The following ZBTB16 variants were observed in gnomAD, a reference collection of about 807,000 sequenced individuals.
The protein encoded by ZBTB16 is zinc finger and BTB domain-containing protein 16.
ZBTB16 carries 8 observed loss-of-function variants against 56.8 expected under a neutral mutation model. The ratio of observed to expected loss-of-function variants is 0.14; its 90% CI spans 0.08 to 0.25. The LOEUF is 0.25. ZBTB16 is among the 10% of genes least tolerant of loss of function. The pLI is 1.00. For missense variants in ZBTB16, 625 were observed against 903.0 expected (o/e 0.69, Z 3.95); for synonymous variants, 363 against 368.5 (o/e 0.98, Z 0.17).
intron 6 of ZBTB16, among the ~76,000 whole-genome samples, chr11:114,249,186 G>T (rs1409583300): frequency 1.3e-5 from 2 of 152,038 alleles, no homozygotes; most frequent in Middle Eastern, 3.4e-3. Flanking sequence ...AGGCCGGGTG[G>T]GGGAGCTCAT....
At chr11:114,240,792 T>C (rs1018730147) in intron 4 of ZBTB16, among the ~76,000 whole-genome samples, 1 of 152,186 alleles carries the variant, frequency 6.6e-6, no homozygotes, top group African/African-American at 2.4e-5. Flanking sequence ...TGTGGGGTAC[T>C]TTGGGGATGA....
intron 4 of ZBTB16, among the ~76,000 whole-genome samples, chr11:114,216,542 T>C (rs759288086): frequency 2.6e-5 from 4 of 152,194 alleles, no homozygotes; most frequent in Non-Finnish European, 4.4e-5. Flanking sequence ...TGGGGGAATG[T>C]ACACCCAGCT....
At chr11:114,095,800 T>C (rs1317821815) in intron 2 of ZBTB16, among the ~76,000 whole-genome samples, 2 of 152,172 alleles carry the variant, frequency 1.3e-5, no homozygotes, top group Non-Finnish European at 2.9e-5. Context: ...GAAGTGCCCA[T>C]GGGAAGCAGA....
At chr11:114,187,506 C>T (rs1943390861) in intron 4 of ZBTB16, 1 of 218,930 alleles carries the variant, frequency 4.6e-6, no homozygotes, top group Non-Finnish European at 9.4e-6. Context: ...TGCATTTGAA[C>T]AATATTAACT....
intron 3 of ZBTB16, among the ~76,000 whole-genome samples, chr11:114,166,891 T>A (rs1411397894): frequency 6.6e-6 from 1 of 152,202 alleles, no homozygotes; most frequent in Non-Finnish European, 1.5e-5. Context: ...TTGGGTTGAC[T>A]TTGGAGGGGG....
chr11:114,081,584 C>T (rs187801745), intron 2 of ZBTB16, among the ~76,000 whole-genome samples: 41 of 152,288 alleles, frequency 2.7e-4, no homozygotes, highest in Middle Eastern at 3.4e-3. Context: ...ATAGACAAGA[C>T]GTCTACCCTC....
At chr11:114,164,300 A>G (rs184395347) in intron 3 of ZBTB16, among the ~76,000 whole-genome samples, 26 of 152,284 alleles carry the variant, frequency 1.7e-4, no homozygotes, top group Admixed American at 1.6e-3. Context: ...CTATCTCAGC[A>G]TAGGGTGGTT....
chr11:114,251,162 C>G lies in ZBTB16; in HGVS notation c.*607C>G, dbSNP rs1429269201. ...CCACATCTGGGTGTCCCCCGGTGGT[C>G]TCTGAGAGCCTCAGGACCCCTGCCC... On this transcript the variant is annotated 3_prime_UTR_variant, in exon 7 of 7. Coordinates refer to ENST00000335953, the MANE Select transcript of ZBTB16 (RefSeq NM_006006.6). Among the ~76,000 whole-genome samples the G allele has an allele frequency of 1.3e-5, 2 of 152,028 alleles. No individual in the cohort carries two copies. The highest frequency in any genetic ancestry group is 2.9e-5 in the Non-Finnish European group (2 of 67,994).
intron 4 of ZBTB16, among the ~76,000 whole-genome samples, chr11:114,235,693 T>TTTCTTTCTA (rs1555159930): frequency 2.6e-5 from 3 of 114,304 alleles, no homozygotes; most frequent in Non-Finnish European, 3.7e-5. Context: ...TTTCTTTCTT[T>TTTCTTTCTA]TCTTTCTTTC....
At chr11:114,237,859 T>G (rs1944623923) in intron 4 of ZBTB16, among the ~76,000 whole-genome samples, 1 of 152,204 alleles carries the variant, frequency 6.6e-6, no homozygotes, top group African/African-American at 2.4e-5. Flanking sequence ...TCATCATAGC[T>G]GTTAGTTTCT....
intron 2 of ZBTB16, among the ~76,000 whole-genome samples, chr11:114,069,492 A>C (rs907839944): frequency 6.6e-6 from 1 of 152,214 alleles, no homozygotes; most frequent in Non-Finnish European, 1.5e-5. Context: ...AGCCAGCTGT[A>C]CGGTGCATGA....
intron 5 of ZBTB16, 144 bp from the exon 6 acceptor site, chr11:114,247,054 G>C: frequency 1.1e-6 from 1 of 945,338 alleles, no homozygotes; most frequent in East Asian, 2.6e-5. Flanking sequence ...ATTCAATGGA[G>C]GTGTGGCCGT....
rs1187503856 is a variant in ZBTB16, at chr11:114,148,465, C to CTT, written c.1269-7871_1269-7870insTT. Among the ~76,000 whole-genome samples, 130 of 53,528 alleles carry CTT rather than the reference C, an allele frequency of 2.4e-3. 18 individuals carry two copies. The Middle Eastern group carries it at 0.043, about 18-fold the overall frequency. The allele number at this position is 53,528 out of a possible 152,430, so 35.1% of individuals were successfully genotyped here. ...TCTCTCTCTGTCTGTCTGTCTCTCT[C>CTT]TCTCTCTTTCTTTCTTTCTTTCTTT... On this transcript the variant is annotated intron_variant, in intron 2 of 6. Transcript: ENST00000335953.
At chr11:114,202,313 A>G (rs1299160990) in intron 4 of ZBTB16, among the ~76,000 whole-genome samples, 3 of 152,146 alleles carry the variant, frequency 2.0e-5, no homozygotes, top group African/African-American at 7.2e-5. Context: ...TATCAACAGT[A>G]GTGGGGCACT....
intron 2 of ZBTB16, among the ~76,000 whole-genome samples, chr11:114,093,107 G>A (rs1366974593): frequency 6.6e-6 from 1 of 152,178 alleles, no homozygotes; most frequent in African/African-American, 2.4e-5. Flanking sequence ...TTACTGACCT[G>A]CCTGACTTCA....
intron 2 of ZBTB16, among the ~76,000 whole-genome samples, chr11:114,118,813 C>T (rs952384880): frequency 6.6e-6 from 1 of 152,126 alleles, no homozygotes; most frequent in Non-Finnish European, 1.5e-5. Context: ...AGGAGGGTTG[C>T]GTCTCTGTGA....
At chr11:114,113,919 A>G (rs1473004991) in intron 2 of ZBTB16, among the ~76,000 whole-genome samples, 1 of 152,228 alleles carries the variant, frequency 6.6e-6, no homozygotes, top group Non-Finnish European at 1.5e-5. Context: ...AAGTTGCACA[A>G]TCAATATTAG....
chr11:114,113,260 T>C (rs1941076727), intron 2 of ZBTB16, among the ~76,000 whole-genome samples: 1 of 152,222 alleles, frequency 6.6e-6, no homozygotes, highest in Non-Finnish European at 1.5e-5. Flanking sequence ...ACATAAGTGA[T>C]TTACCAGACA....
Position 114,252,603 on chromosome 11 carries a change from C to T in ZBTB16, c.*2048C>T, listed in dbSNP as rs1441914538. 6.6e-6 allele frequency among the ~76,000 whole-genome samples: 1 copy of T among 152,172 alleles called. No homozygotes were observed. The highest frequency in any genetic ancestry group is 2.4e-5 in the African/African-American group (1 of 41,444). The stretch of plus-strand genomic sequence containing the variant: ...CTTTGGGACGGACCCTCCGTTTCAT[C>T]TCATGCTTTATGTGTAAGAGTTTTT... On this transcript the variant is annotated 3_prime_UTR_variant, in exon 7 of 7. Coordinates refer to ENST00000335953, the MANE Select transcript of ZBTB16 (RefSeq NM_006006.6).
Sources: gnomAD v4.1 joint callset for allele counts (sites outside exome capture counted in the v4.1 genomes callset) on GRCh38, gnomAD v4.1.1 for gene constraint, MANE v1.5 for transcripts, NCBI Gene and HGNC (gene_info 2026-07-23, HGNC 2026-07-21) for gene names.